The following TRIM54 variants were observed in gnomAD, a reference collection of about 807,000 sequenced individuals.
TRIM54 encodes tripartite motif-containing protein 54.
Under a neutral mutation model 42.0 loss-of-function variants are expected in TRIM54, and 40 were observed. That is an observed-to-expected ratio of 0.95 (90% CI 0.74 to 1.24). The LOEUF (loss-of-function observed/expected upper bound fraction) is 1.24. TRIM54 is among the 50% of genes most tolerant of loss of function. The pLI, the probability that TRIM54 is intolerant of heterozygous loss-of-function variation, is 0.00. For missense variants in TRIM54, 485 were observed against 480.3 expected (o/e 1.01, Z -0.09); for synonymous variants, 199 against 194.9 (o/e 1.02, Z -0.17).
chr2:27,300,564 AT>A (rs1201870675), intron 3 of TRIM54, among the ~76,000 whole-genome samples: 1 of 150,536 alleles, frequency 6.6e-6, no homozygotes, highest in African/African-American at 2.4e-5. Flanking sequence ...TAATAATAAT[AT>A]TTATTAGTAG....
chr2:27,290,063 G>C (rs1227632230), intron 1 of TRIM54, among the ~76,000 whole-genome samples: 1 of 151,046 alleles, frequency 6.6e-6, no homozygotes, highest in Non-Finnish European at 1.5e-5. Context: ...GTAGAGACAG[G>C]GTCTCATCAT....
chr2:27,305,634 G>C lies in TRIM54; in HGVS notation c.660G>C (p.Leu220=), dbSNP rs374066327. Residue 220 remains leucine, a synonymous_variant, in exon 5 of 9, where the codon CTG becomes CTC. Transcript: ENST00000380075. The stretch of plus-strand genomic sequence containing the variant: ...TGTTAAACCAGAGGTTTGAGAGCCT[G>C]TGCGCAGTGCTGGAGGAGCGCAAGG... The part of the protein sequence containing the change: ...KQLLNQRFES[L]CAVLEERKGE... 16 of 1,613,820 alleles carry C rather than the reference G, an allele frequency of 9.9e-6. No homozygotes were observed. The highest frequency in any genetic ancestry group is 1.3e-5 in the African/African-American group (1 of 75,064).
chr2:27,297,754 A>G (rs1245273479), intron 1 of TRIM54, among the ~76,000 whole-genome samples: 1 of 152,080 alleles, frequency 6.6e-6, no homozygotes, highest in African/African-American at 2.4e-5. Context: ...CCGAGGTGGG[A>G]GGGTCACTTG....
At chr2:27,289,863 T>C (rs1485555380) in intron 1 of TRIM54, among the ~76,000 whole-genome samples, 1 of 121,930 alleles carries the variant, frequency 8.2e-6, no homozygotes, top group African/African-American at 3.5e-5. Flanking sequence ...TCTTTCTCTT[T>C]TTTTTTTTTT....
intron 1 of TRIM54, 96 bp from the exon 2 acceptor site, chr2:27,298,461 CTCCATCAAGT>C (rs1678929938): frequency 1.2e-6 from 1 of 807,084 alleles, no homozygotes; most frequent in Non-Finnish European, 2.0e-6. Context: ...ACATCTTCCC[CTCCATCAAGT>C]TCCTACTCCC....
At chr2:27,286,160 A>G (rs959697057) in intron 1 of TRIM54, among the ~76,000 whole-genome samples, 1 of 151,342 alleles carries the variant, frequency 6.6e-6, no homozygotes, top group Non-Finnish European at 1.5e-5. Context: ...TTATTTTTGC[A>G]TATTATTTTT....
At chr2:27,292,392 A>G (rs1678743720) in intron 1 of TRIM54, among the ~76,000 whole-genome samples, 1 of 152,056 alleles carries the variant, frequency 6.6e-6, no homozygotes, top group African/African-American at 2.4e-5. Context: ...GCAACTAGCA[A>G]GACCCTATCT....
rs956509938 is a variant in TRIM54, at chr2:27,306,974, C to T, written c.*89C>T. Reference sequence around the variant, plus strand: ...ACCGCAGCATCACCCAAATCGGCGCCGGCCCCGGGAGGATCTCAATAAAGA... The same window carrying T: ...ACCGCAGCATCACCCAAATCGGCGCTGGCCCCGGGAGGATCTCAATAAAGA... On this transcript the variant is annotated 3_prime_UTR_variant, in exon 9 of 9. Transcript: ENST00000380075. The surrounding 1 kb of genome is among the most constrained non-coding windows in gnomAD (Gnocchi z 6.1). The T allele has an allele frequency of 8.3e-5, 20 of 241,118 alleles. No individual in the cohort carries two copies. Among genetic ancestry groups the T allele is most frequent in the Non-Finnish European group, 1.5e-4 (18 of 124,102 alleles). The allele number at this position is 241,118 out of a possible 1,614,324, so 14.9% of individuals were successfully genotyped here. A position where few individuals can be genotyped will look rare whatever the true frequency, so the allele number is the denominator to read the frequency against.
rs1572513425 is a variant in TRIM54, at chr2:27,282,625, G to A, written c.-107G>A. ...AGGAGAGAAAGCAGAGCTATTTCAA[G>A]AGTGAGCCACAGAAGGGAATCCAGA... On this transcript the variant is annotated 5_prime_UTR_variant, in exon 1 of 9. Transcript: ENST00000380075. 6.4e-6 allele frequency: 8 copies of A among 1,248,708 alleles called. No homozygotes were observed. Among genetic ancestry groups the A allele is most frequent in the Non-Finnish European group, 7.7e-6 (7 of 907,594 alleles). The allele number at this position is 1,248,708 out of a possible 1,614,324, so 77.4% of individuals were successfully genotyped here.
chr2:27,291,040 T>G (rs1016806429), intron 1 of TRIM54, among the ~76,000 whole-genome samples: 1 of 152,190 alleles, frequency 6.6e-6, no homozygotes, highest in African/African-American at 2.4e-5. Flanking sequence ...GTACTATAAT[T>G]TAATAGTTCT....
At chr2:27,286,055 C>T (rs952160302) in intron 1 of TRIM54, among the ~76,000 whole-genome samples, 4 of 152,048 alleles carry the variant, frequency 2.6e-5, no homozygotes, top group South Asian at 2.1e-4. Context: ...ATAGTGAGAC[C>T]TCATCTCTAC....
chr2:27,301,680 G>A (rs572875293), intron 3 of TRIM54, among the ~76,000 whole-genome samples: 14 of 152,192 alleles, frequency 9.2e-5, no homozygotes, highest in African/African-American at 3.4e-4. Context: ...AGCAAGGTCT[G>A]TATGACCTGT....
Position 27,306,664 on chromosome 2 carries a change from C to T in TRIM54, c.*1+122C>T. 1 of 1,089,680 alleles carries T rather than the reference C, an allele frequency of 9.2e-7. No individual in the cohort carries two copies. The highest frequency in any genetic ancestry group is 1.3e-6 in the Non-Finnish European group (1 of 773,528). 67.5% of individuals were successfully genotyped at this position (1,089,680 alleles called of 1,614,324 possible). Reference sequence around the variant, plus strand: ...CCTCCCTGCGGGTAGCGTGGAGCCCCCACTCCTCGGTGCAACCCAACCCCG... The same window carrying T: ...CCTCCCTGCGGGTAGCGTGGAGCCCTCACTCCTCGGTGCAACCCAACCCCG... On this transcript the variant is annotated intron_variant, in intron 8 of 8. Coordinates refer to ENST00000380075, the MANE Select transcript of TRIM54 (RefSeq NM_187841.3). The surrounding 1 kb of genome is among the most constrained non-coding windows in gnomAD (Gnocchi z 6.1).
Position 27,305,025 on chromosome 2 carries a change from CAGAT to C in TRIM54, c.581_584del (p.Gln194ArgfsTer19). ...TGACCGCGTGCAAGCAGTGATCACA[CAGAT>C]GGAGGAGGTGTGCCAGACTATCGAG... On this transcript the variant is annotated frameshift_variant, in exon 4 of 9. Coordinates refer to ENST00000380075, the MANE Select transcript of TRIM54 (RefSeq NM_187841.3). LOFTEE classifies it high-confidence loss of function. 2 of 1,614,058 alleles carry C rather than the reference CAGAT, an allele frequency of 1.2e-6. No individual in the cohort carries two copies. Among genetic ancestry groups the C allele is most frequent in the Non-Finnish European group, 1.7e-6 (2 of 1,179,976 alleles).
chr2:27,305,615 AC>A lies in TRIM54; in HGVS notation c.643del (p.Gln215ArgfsTer72). On this transcript the variant is annotated frameshift_variant, in exon 5 of 9. Transcript: ENST00000380075. LOFTEE classifies it high-confidence loss of function. The stretch of plus-strand genomic sequence containing the variant: ...AGCCGGAGGCAGAAGCAGTTGTTAA[AC>A]CAGAGGTTTGAGAGCCTGTGCGCAG... ...DNSRRQKQLL[N>X]QRFESLCAVL... 1.2e-6 allele frequency: 2 copies of A among 1,613,654 alleles called. No individual in the cohort carries two copies. Among genetic ancestry groups the A allele is most frequent in the South Asian group, 2.2e-5 (2 of 91,034 alleles).
intron 1 of TRIM54, among the ~76,000 whole-genome samples, chr2:27,295,516 C>T (rs1048970472): frequency 1.3e-5 from 2 of 152,132 alleles, no homozygotes; most frequent in African/African-American, 4.8e-5. Context: ...CCGTGTTGGC[C>T]AGGCTGGTCT....
At chr2:27,295,929 A>G (rs995178375) in intron 1 of TRIM54, among the ~76,000 whole-genome samples, 1 of 152,162 alleles carries the variant, frequency 6.6e-6, no homozygotes, top group Non-Finnish European at 1.5e-5. Flanking sequence ...CCTAAACTAA[A>G]CTCAACAATA....
Position 27,287,848 on chromosome 2 carries a change from C to G in TRIM54, c.168+4949C>G, listed in dbSNP as rs184393331. ...CTGGCCTTAAACTGACCTTTAACAT[C>G]TCTTGCAATTCTAACGATTTGGTTT... On this transcript the variant is annotated intron_variant, in intron 1 of 8. Transcript: ENST00000380075. Among the ~76,000 whole-genome samples the G allele has an allele frequency of 1.1e-4, 17 of 152,306 alleles. No individual in the cohort carries two copies. In the East Asian group the frequency reaches 3.3e-3, roughly 29 times the overall value.
At chr2:27,286,738 G>A (rs764756053) in intron 1 of TRIM54, among the ~76,000 whole-genome samples, 2 of 152,188 alleles carry the variant, frequency 1.3e-5, no homozygotes, top group Admixed American at 1.3e-4. Context: ...GACTTGCAGA[G>A]GGGGGATTGT....
Sources: allele counts gnomAD v4.1 joint callset (sites outside exome capture counted in the v4.1 genomes callset), GRCh38; gene constraint gnomAD v4.1.1; non-coding constraint Gnocchi (gnomAD v3.1); transcripts MANE v1.5; gene names NCBI Gene and HGNC (gene_info 2026-07-23, HGNC 2026-07-21).